PEAK1: variants seen among roughly 807,000 people sequenced by gnomAD.
The protein encoded by PEAK1 is inactive tyrosine-protein kinase PEAK1.
In PEAK1, 54 loss-of-function variants were observed where a neutral mutation model predicts 124.7. The observed-to-expected ratio is 0.43, with a 90% CI of 0.35 to 0.54. The LOEUF (loss-of-function observed/expected upper bound fraction) is 0.54. Ranked by LOEUF, PEAK1 falls within the 20% of genes least tolerant of loss-of-function variation. The pLI is 0.01. For missense variants in PEAK1, 2,046 were observed against 2,134.5 expected, an observed-to-expected ratio of 0.96 and a Z score of 0.82; for synonymous variants, 719 against 760.0, an observed-to-expected ratio of 0.95 and a Z score of 0.89.
chr15:77,250,518 C>T (rs1244249483), intron 6 of PEAK1, among the ~76,000 whole-genome samples: 1 of 151,636 alleles, frequency 6.6e-6, no homozygotes, highest in Non-Finnish European at 1.5e-5. Context: ...CTGTAAGCTC[C>T]ACCTTCTGGG....
At chr15:77,418,662 T>C (rs2073087326) in intron 1 of PEAK1, 1 of 985,430 alleles carries the variant, frequency 1.0e-6, no homozygotes, top group South Asian at 4.7e-5. Flanking sequence ...TTGAGCTATC[T>C]AGAAATGCTC....
chr15:77,382,074 GTCTC>G (rs2069527339), intron 1 of PEAK1, among the ~76,000 whole-genome samples: 1 of 152,124 alleles, frequency 6.6e-6, no homozygotes, highest in Non-Finnish European at 1.5e-5. Flanking sequence ...CTCCATCCAT[GTCTC>G]TCTCTTTCTC....
At chr15:77,262,723 GA>G (rs2061506562) in intron 5 of PEAK1, among the ~76,000 whole-genome samples, 1 of 151,682 alleles carries the variant, frequency 6.6e-6, no homozygotes, top group Non-Finnish European at 1.5e-5. Flanking sequence ...GGATACGCAG[GA>G]ATTGAACTCA....
chr15:77,150,553 G>A (rs933232997), intron 8 of PEAK1, among the ~76,000 whole-genome samples: 1 of 151,870 alleles, frequency 6.6e-6, no homozygotes, highest in Non-Finnish European at 1.5e-5. Flanking sequence ...GGGTACATGT[G>A]CACAAAGTGC....
intron 6 of PEAK1, among the ~76,000 whole-genome samples, chr15:77,195,488 G>T (rs1452958371): frequency 6.6e-6 from 1 of 152,088 alleles, no homozygotes; most frequent in Admixed American, 6.5e-5. Context: ...GTGAGAGGAA[G>T]AATAGAAAAA....
At chr15:77,386,003 A>G (rs2069898342) in intron 1 of PEAK1, among the ~76,000 whole-genome samples, 1 of 152,204 alleles carries the variant, frequency 6.6e-6, no homozygotes, top group South Asian at 2.1e-4. Context: ...TCTCTTCATG[A>G]AGATAAAAAT....
intron 8 of PEAK1, among the ~76,000 whole-genome samples, chr15:77,139,461 GGTTT>G (rs1429410514): frequency 1.8e-4 from 28 of 152,280 alleles, no homozygotes; most frequent in Non-Finnish European, 2.9e-5. Flanking sequence ...CAGTGCAGTA[GGTTT>G]GTTTACACCA....
chr15:77,297,757 C>A (rs1243561940), intron 2 of PEAK1, among the ~76,000 whole-genome samples: 1,201 of 85,006 alleles, frequency 0.014, no homozygotes, highest in Middle Eastern at 0.018. Flanking sequence ...GATTTTGCCT[C>A]AAAAAAAAAA....
At chr15:77,376,206 T>G (rs2069016212) in intron 1 of PEAK1, among the ~76,000 whole-genome samples, 1 of 151,998 alleles carries the variant, frequency 6.6e-6, no homozygotes, top group Admixed American at 6.6e-5. Context: ...TAAAAAAAAT[T>G]ACCATATACC....
intron 8 of PEAK1, among the ~76,000 whole-genome samples, chr15:77,147,743 G>A (rs1484942517): frequency 1.3e-5 from 2 of 152,102 alleles, no homozygotes; most frequent in Non-Finnish European, 2.9e-5. Flanking sequence ...CATTCTGTGA[G>A]GGGCAACCTT....
chr15:77,381,400 T>C (rs2069469384), intron 1 of PEAK1: 1 of 864,700 alleles, frequency 1.2e-6, no homozygotes, highest in Admixed American at 6.2e-5. Flanking sequence ...CACTTCAGTT[T>C]GGGCAACATA....
At chr15:77,392,433 T>C (rs2070548094) in intron 1 of PEAK1, among the ~76,000 whole-genome samples, 2 of 152,208 alleles carry the variant, frequency 1.3e-5, no homozygotes, top group Non-Finnish European at 2.9e-5. Flanking sequence ...ACAGCTTAAC[T>C]GCTCAGAATT....
At chr15:77,278,226 A>G (rs2062442409) in intron 5 of PEAK1, among the ~76,000 whole-genome samples, 2 of 152,196 alleles carry the variant, frequency 1.3e-5, no homozygotes, top group Admixed American at 6.5e-5. Flanking sequence ...TGAACAGGTG[A>G]TTAAGTACAT....
At chr15:77,274,352 G>A (rs1463014876) in intron 5 of PEAK1, among the ~76,000 whole-genome samples, 1 of 152,034 alleles carries the variant, frequency 6.6e-6, no homozygotes, top group South Asian at 2.1e-4. Flanking sequence ...CACAGAGTGG[G>A]AGAAAATCTT....
At chr15:77,199,646 C>T (rs997329847) in intron 6 of PEAK1, among the ~76,000 whole-genome samples, 4 of 152,186 alleles carry the variant, frequency 2.6e-5, no homozygotes, top group Non-Finnish European at 5.9e-5. Flanking sequence ...ATGACAGAGA[C>T]TGCGGATATG....
chr15:77,334,205 T>C (rs2066058808), intron 2 of PEAK1: 1 of 982,834 alleles, frequency 1.0e-6, no homozygotes, highest in African/African-American at 1.7e-5. Context: ...CTTCAGTACA[T>C]TTAGACGTAA....
At chr15:77,283,855 T>C (rs2062791908) in intron 5 of PEAK1, 28 bp downstream of exon 5, 6 of 961,900 alleles carry the variant, frequency 6.2e-6, no homozygotes, top group Non-Finnish European at 3.7e-6. Flanking sequence ...AATCAACTCA[T>C]AGACCTTATT....
chr15:77,161,931 AC>A (rs930284892), intron 7 of PEAK1, among the ~76,000 whole-genome samples: 9 of 137,652 alleles, frequency 6.5e-5, no homozygotes, highest in African/African-American at 2.5e-4. Context: ...ATGCCACTGC[AC>A]TCCAGCCTGG....
At chr15:77,411,185 T>C (rs1316172746) in intron 1 of PEAK1, among the ~76,000 whole-genome samples, 2 of 150,718 alleles carry the variant, frequency 1.3e-5, no homozygotes, top group Admixed American at 6.6e-5. Context: ...TCACGGCAGA[T>C]GGTAAGGCCA....
Sources: allele counts gnomAD v4.1 joint callset (sites outside exome capture counted in the v4.1 genomes callset), GRCh38; gene constraint gnomAD v4.1.1; transcripts MANE v1.5; gene names NCBI Gene and HGNC (gene_info 2026-07-23, HGNC 2026-07-21).